Variants in TENM3 observed in about 807,000 individuals in gnomAD.
TENM3 encodes the protein teneurin transmembrane protein 3, also known as teneurin-3.
A neutral mutation model predicts 255.1 loss-of-function variants in TENM3; 63 were observed. The ratio of observed to expected loss-of-function variants is 0.25; its 90% CI spans 0.20 to 0.30. TENM3 has a LOEUF of 0.30. Among genes scored for constraint, TENM3 ranks in the 10% least tolerant of loss-of-function variants. The pLI is 1.00. For synonymous variants in TENM3, 1,306 were observed against 1,322.3 expected (o/e 0.99, Z 0.27); for missense variants, 2,929 against 3,461.1 (o/e 0.85, Z 3.86).
intron 3 of TENM3, chr4:182,350,049 A>T (rs889582969): frequency 1.3e-5 from 2 of 155,354 alleles, no homozygotes; most frequent in Admixed American, 1.3e-4. Context: ...AAAAAATGTT[A>T]TTCAACATTG....
At chr4:182,670,678 C>G (rs1050856192) in intron 6 of TENM3, among the ~76,000 whole-genome samples, 1 of 152,150 alleles carries the variant, frequency 6.6e-6, no homozygotes, top group Non-Finnish European at 1.5e-5. Flanking sequence ...GTGATGTACT[C>G]TCCCTCAAAC....
At position 182,254,583 on chromosome 4, in the gene TENM3, T is replaced by A. The variant is rs369139367; in HGVS notation, c.-76+11107T>A. 9.2e-5 allele frequency among the ~76,000 whole-genome samples: 14 copies of A among 152,336 alleles called. No homozygotes were observed. The East Asian group carries it at 1.7e-3, about 19-fold the overall frequency. ...AGGCTTTGGTTAACAGAGCAGAATT[T>A]CCCTTATTTAGGTAAATGTTACACT... On this transcript the variant is annotated intron_variant, in intron 1 of 27. Coordinates refer to ENST00000511685, the MANE Select transcript of TENM3 (RefSeq NM_001080477.4).
chr4:181,934,844 C>T, the TENM3 span, among the ~76,000 whole-genome samples: 1 of 151,996 alleles, frequency 6.6e-6, no homozygotes, highest in Admixed American at 6.6e-5. Context: ...CACATTTATT[C>T]AGAAGGAAAA....
the TENM3 span, among the ~76,000 whole-genome samples, chr4:181,616,314 TACACACACACACACACAC>T: frequency 1.9e-4 from 20 of 103,704 alleles, no homozygotes; most frequent in South Asian, 7.0e-4. Flanking sequence ...ACCCATAGAA[TACACACACACACACACAC>T]ACACACACAC....
chr4:182,636,929 TG>T (rs1751897294), intron 5 of TENM3, among the ~76,000 whole-genome samples: 1 of 152,184 alleles, frequency 6.6e-6, no homozygotes. Context: ...CTATCATTTT[TG>T]CAAAACGTAG....
chr4:182,188,473 C>T (rs1286016477), intron 1 of TENM3, among the ~76,000 whole-genome samples: 1 of 152,144 alleles, frequency 6.6e-6, no homozygotes, highest in Non-Finnish European at 1.5e-5. Flanking sequence ...AGGTGTCTAA[C>T]CTACCGTAGA....
At chr4:181,850,075 C>A in the TENM3 span, among the ~76,000 whole-genome samples, 2 of 151,776 alleles carry the variant, frequency 1.3e-5, no homozygotes, top group African/African-American at 4.8e-5. Context: ...CTCTCTCTTT[C>A]CCTCCCTCCG....
At chr4:182,246,449 G>A (rs1757655826) in intron 1 of TENM3, among the ~76,000 whole-genome samples, 1 of 146,872 alleles carries the variant, frequency 6.8e-6, no homozygotes, top group South Asian at 2.1e-4. Context: ...TCCTTTTCTA[G>A]GATATAGATG....
At chr4:182,015,567 T>TTTAC in the TENM3 span, among the ~76,000 whole-genome samples, 205 of 151,902 alleles carry the variant, frequency 1.3e-3, 12 homozygotes, top group South Asian at 0.042. Context: ...TATTTATTTA[T>TTTAC]TTATTTATTT....
chr4:181,728,717 C>T, the TENM3 span, among the ~76,000 whole-genome samples: 113 of 152,240 alleles, frequency 7.4e-4, no homozygotes, highest in Middle Eastern at 3.4e-3. Flanking sequence ...TCTTTGTGAC[C>T]TGTATCTTGT....
intron 16 of TENM3, among the ~76,000 whole-genome samples, chr4:182,735,925 T>G (rs1561179341): frequency 6.6e-6 from 1 of 152,140 alleles, no homozygotes; most frequent in Non-Finnish European, 1.5e-5. Context: ...AGAGTATAAT[T>G]TTTTTTAATT....
chr4:182,570,628 T>A (rs1744260106), intron 3 of TENM3, among the ~76,000 whole-genome samples: 1 of 152,116 alleles, frequency 6.6e-6, no homozygotes, highest in South Asian at 2.1e-4. Context: ...GGCAGGCGGA[T>A]CACGAGGTCA....
At chr4:182,250,925 A>C (rs887882298) in intron 1 of TENM3, among the ~76,000 whole-genome samples, 1 of 152,176 alleles carries the variant, frequency 6.6e-6, no homozygotes, top group Admixed American at 6.5e-5. Context: ...TTTCAGATGG[A>C]TAAGAATTTG....
At chr4:181,683,164 T>C in the TENM3 span, among the ~76,000 whole-genome samples, 1 of 152,136 alleles carries the variant, frequency 6.6e-6, no homozygotes, top group South Asian at 2.1e-4. Flanking sequence ...ATAATATCCC[T>C]AATGTATATT....
intron 3 of TENM3, among the ~76,000 whole-genome samples, chr4:182,396,006 T>C (rs1768781356): frequency 6.6e-6 from 1 of 152,260 alleles, no homozygotes; most frequent in South Asian, 2.1e-4. Context: ...TTGTATAAAA[T>C]AGAATTGTCA....
At chr4:182,289,663 C>T (rs1760982715) in intron 1 of TENM3, among the ~76,000 whole-genome samples, 2 of 152,210 alleles carry the variant, frequency 1.3e-5, no homozygotes, top group Admixed American at 6.5e-5. Flanking sequence ...TAGAAAGCAA[C>T]TCCTTCACCT....
the TENM3 span, among the ~76,000 whole-genome samples, chr4:181,699,408 A>G: frequency 7.6e-6 from 1 of 131,780 alleles, no homozygotes; most frequent in Non-Finnish European, 1.6e-5. Flanking sequence ...GCACCACTGC[A>G]CTCCAGCCTG....
At chr4:181,537,620 A>G in the TENM3 span, among the ~76,000 whole-genome samples, 1 of 152,254 alleles carries the variant, frequency 6.6e-6, no homozygotes, top group Admixed American at 6.5e-5. Context: ...TCTTCCTACA[A>G]TACTTAGTAA....
chr4:181,644,604 C>T, the TENM3 span, among the ~76,000 whole-genome samples: 3 of 152,082 alleles, frequency 2.0e-5, no homozygotes, highest in Non-Finnish European at 4.4e-5. Flanking sequence ...TTCAGGGGAC[C>T]AAGACACAAA....
Sources: allele counts gnomAD v4.1 joint callset (sites outside exome capture counted in the v4.1 genomes callset), GRCh38; gene constraint gnomAD v4.1.1; transcripts MANE v1.5; gene names NCBI Gene and HGNC (gene_info 2026-07-23, HGNC 2026-07-21).